DLG5: variants seen among roughly 807,000 people sequenced by gnomAD.
The protein encoded by DLG5 is disks large homolog 5.
Under a neutral mutation model 189.8 loss-of-function variants are expected in DLG5, and 48 were observed. The ratio of observed to expected loss-of-function variants is 0.25; its 90% CI spans 0.20 to 0.32. DLG5 has a LOEUF of 0.32. DLG5 is among the 10% of genes least tolerant of loss of function. DLG5 has a pLI of 1.00. For synonymous variants in DLG5, 1,016 were observed against 1,054.1 expected (o/e 0.96, Z 0.70); for missense variants, 2,160 against 2,544.7 (o/e 0.85, Z 3.25).
intron 5 of DLG5, chr10:77,845,365 T>G (rs1347345505): frequency 6.6e-6 from 1 of 152,234 alleles, no homozygotes; most frequent in Non-Finnish European, 1.5e-5. Context: ...GCAGCCTGGT[T>G]TATCAAGCGT....
At chr10:77,815,842 A>G (rs796358039) in intron 20 of DLG5, among the ~76,000 whole-genome samples, 8 of 152,180 alleles carry the variant, frequency 5.3e-5, no homozygotes, top group African/African-American at 1.9e-4. Context: ...TTAAATATAA[A>G]CACAATCTAG....
Position 77,843,591 on chromosome 10 carries a change from T to C in DLG5, c.980A>G (p.Lys327Arg), listed in dbSNP as rs1843536153. 2 of 1,613,888 alleles carry C rather than the reference T, an allele frequency of 1.2e-6. No individual in the cohort carries two copies. Among genetic ancestry groups the C allele is most frequent in the African/African-American group, 1.3e-5 (1 of 74,864 alleles). ...YDALRKRYSE[K>R]VAIHNADLSR... ...CAGGTCTGCATTGTGGATGGCGACT[T>C]TCTCACTGTACCTCTTCCGAAGGGC... The change falls in exon 6 of 32, where the codon AAA (lysine) becomes AGA (arginine). Residue 327 changes from lysine (K) to arginine (R), a missense_variant. Physicochemically the swap from Lys to Arg is conservative, Grantham distance 26. Coordinates refer to ENST00000372391, the MANE Select transcript of DLG5 (RefSeq NM_004747.4).
At chr10:77,858,586 C>T (rs1265807413) in intron 2 of DLG5, among the ~76,000 whole-genome samples, 2 of 151,050 alleles carry the variant, frequency 1.3e-5, no homozygotes, top group Non-Finnish European at 3.0e-5. Flanking sequence ...TGCAGTGAGC[C>T]GAGATCACAC....
intron 2 of DLG5, among the ~76,000 whole-genome samples, chr10:77,858,404 G>A (rs947988208): frequency 5.3e-5 from 8 of 152,148 alleles, no homozygotes; most frequent in African/African-American, 1.9e-4. Context: ...GGAGGCCAAG[G>A]CAGACGGATC....
At position 77,806,776 on chromosome 10, in the gene DLG5, T is replaced by G; in HGVS notation, c.4949A>C (p.Gln1650Pro). 1 of 1,459,994 alleles carries G rather than the reference T, an allele frequency of 6.8e-7. No homozygotes were observed. Among genetic ancestry groups the G allele is most frequent in the South Asian group, 1.1e-5 (1 of 88,998 alleles). The allele number at this position is 1,459,994 out of a possible 1,614,324, so 90.4% of individuals were successfully genotyped here. Residue 1650 changes from glutamine to proline, a missense_variant, in exon 26 of 32, where the codon CAG (glutamine) becomes CCG (proline). Gln to Pro is a moderately conservative substitution (Grantham distance 76, BLOSUM62 -1). Coordinates refer to ENST00000372391, the MANE Select transcript of DLG5 (RefSeq NM_004747.4). ...DENAQKIQRG[Q>P]IPSKYVMDQE... The stretch of plus-strand genomic sequence containing the variant: ...CACTTACACATATTTGCTGGGAATC[T>G]GCCCGCGCTGGATCTTCTGGGCATT...
At chr10:77,910,560 G>A (rs1257244713) in intron 1 of DLG5, among the ~76,000 whole-genome samples, 1 of 152,166 alleles carries the variant, frequency 6.6e-6, no homozygotes, top group East Asian at 1.9e-4. Flanking sequence ...TGGTAAAGAA[G>A]TCTTGGAAGG....
At chr10:77,933,935 C>CA in the DLG5 span, among the ~76,000 whole-genome samples, 1 of 151,650 alleles carries the variant, frequency 6.6e-6, no homozygotes, top group Non-Finnish European at 1.5e-5. Context: ...GTAATCCCAG[C>CA]TACTTGGGAG....
At chr10:77,920,973 C>T (rs1846517799) in intron 1 of DLG5, among the ~76,000 whole-genome samples, 1 of 152,200 alleles carries the variant, frequency 6.6e-6, no homozygotes, top group Admixed American at 6.5e-5. Context: ...CAGATAAAAT[C>T]TGCCCTTCAC....
rs1846692928 is a variant in DLG5, at chr10:77,926,366, T to C, written c.155A>G (p.Lys52Arg). ...RQLDEEAGGA[K>R]AELLLKLLLA... Reference sequence around the variant, plus strand: ...GAGCAGCTTGAGCAGCAGCTCCGCCTTGGCGCCTCCCGCCTCCTCGTCCAG... The same window carrying C: ...GAGCAGCTTGAGCAGCAGCTCCGCCCTGGCGCCTCCCGCCTCCTCGTCCAG... The change falls in exon 1 of 32, where the codon AAG becomes AGG. Residue 52 changes from lysine (K) to arginine (R), a missense_variant. This residue lies in a region of DLG5 where 664 missense variants were observed against 838.5 expected (regional missense o/e 0.79). Coordinates refer to ENST00000372391, the MANE Select transcript of DLG5 (RefSeq NM_004747.4). The surrounding 1 kb of genome is among the most constrained non-coding windows in gnomAD (Gnocchi z 5.2). 6.2e-7 allele frequency: 1 copy of C among 1,600,588 alleles called. No homozygotes were observed. Among genetic ancestry groups the C allele is most frequent in the Non-Finnish European group, 8.5e-7 (1 of 1,175,414 alleles).
chr10:77,806,718 A>ACGCCC, intron 26 of DLG5, 40 bp downstream of exon 26: 2 of 1,333,650 alleles, frequency 1.5e-6, no homozygotes, highest in Non-Finnish European at 2.1e-6. Flanking sequence ...GCCCTCGGCG[A>ACGCCC]CCCCTGCCCC....
At chr10:77,914,378 A>G (rs74140396) in intron 1 of DLG5, among the ~76,000 whole-genome samples, 1 of 152,268 alleles carries the variant, frequency 6.6e-6, no homozygotes, top group African/African-American at 2.4e-5. Context: ...CAGAGGCGGC[A>G]GCAGCAGCTT....
At chr10:77,825,921 T>C (rs1404066543) in intron 13 of DLG5, among the ~76,000 whole-genome samples, 1 of 152,112 alleles carries the variant, frequency 6.6e-6, no homozygotes, top group African/African-American at 2.4e-5. Context: ...TAATTTGTGG[T>C]TTTTTCCTTA....
chr10:77,906,620 T>TTG, intron 1 of DLG5, among the ~76,000 whole-genome samples: 1 of 144,542 alleles, frequency 6.9e-6, no homozygotes, highest in Non-Finnish European at 1.5e-5. Flanking sequence ...CGCTCCACTT[T>TTG]TTTTTTTTTT....
At chr10:77,840,729 AAG>A (rs972641940) in intron 7 of DLG5, among the ~76,000 whole-genome samples, 1 of 152,144 alleles carries the variant, frequency 6.6e-6, no homozygotes, top group Non-Finnish European at 1.5e-5. Flanking sequence ...AAAAAAAAGA[AAG>A]AAAGAAACGG....
intron 1 of DLG5, among the ~76,000 whole-genome samples, chr10:77,904,276 T>C (rs1212225418): frequency 6.6e-6 from 1 of 152,194 alleles, no homozygotes; most frequent in Non-Finnish European, 1.5e-5. Context: ...TCCACCACGA[T>C]TATGAGACCT....
chr10:77,925,844 C>T (rs776457454), intron 1 of DLG5, among the ~76,000 whole-genome samples: 10 of 152,136 alleles, frequency 6.6e-5, no homozygotes, highest in Non-Finnish European at 1.2e-4. Context: ...CTGGACGGTA[C>T]CCTTGGTTAA....
intron 2 of DLG5, among the ~76,000 whole-genome samples, chr10:77,865,885 G>A (rs1029049497): frequency 2.0e-5 from 3 of 152,142 alleles, no homozygotes; most frequent in South Asian, 2.1e-4. Flanking sequence ...CCGACAGACC[G>A]CCTGAGAGAA....
At chr10:77,808,028 C>T (rs1030557907) in intron 24 of DLG5, 84 bp from the exon 25 acceptor site, 63 of 1,523,818 alleles carry the variant, frequency 4.1e-5, no homozygotes, top group African/African-American at 1.9e-4. Context: ...GCTGACCATA[C>T]GGCAGAAATT....
chr10:77,848,966 C>T (rs1257483609), intron 5 of DLG5, among the ~76,000 whole-genome samples: 1 of 152,094 alleles, frequency 6.6e-6, no homozygotes, highest in Non-Finnish European at 1.5e-5. Flanking sequence ...ACTTAGATTC[C>T]CCAACCAAGC....
Sources: gnomAD v4.1 joint callset for allele counts (sites outside exome capture counted in the v4.1 genomes callset) on GRCh38, gnomAD v4.1.1 for gene constraint, gnomAD v4.1.1 regional missense constraint, Gnocchi (gnomAD v3.1) non-coding constraint, MANE v1.5 for transcripts, NCBI Gene and HGNC (gene_info 2026-07-23, HGNC 2026-07-21) for gene names.